The following CNTN3 variants were observed in gnomAD, a reference collection of about 807,000 sequenced individuals.
The protein encoded by CNTN3 is contactin-3.
In CNTN3, 60 loss-of-function variants were observed where a neutral mutation model predicts 119.1. That is an observed-to-expected ratio of 0.50 (90% CI 0.41 to 0.62). The LOEUF is 0.62. CNTN3 is among the 20% of genes least tolerant of loss of function. The pLI is 0.00. For synonymous variants in CNTN3, 450 were observed against 438.7 expected (o/e 1.03, Z -0.32); for missense variants, 1,101 against 1,242.4 (o/e 0.89, Z 1.71).
chr3:74,426,744 A>C (rs905961764), intron 4 of CNTN3, among the ~76,000 whole-genome samples: 8 of 152,194 alleles, frequency 5.3e-5, no homozygotes, highest in African/African-American at 1.9e-4. Flanking sequence ...AACATTCTCA[A>C]AACATTAAGT....
At chr3:74,574,000 T>C (rs1036795864) in intron 1 of CNTN3, among the ~76,000 whole-genome samples, 1 of 152,022 alleles carries the variant, frequency 6.6e-6, no homozygotes, top group African/African-American at 2.4e-5. Flanking sequence ...TACACAAATA[T>C]TGAGAGCAGC....
intron 11 of CNTN3, among the ~76,000 whole-genome samples, chr3:74,339,221 C>T (rs1190680447): frequency 6.6e-6 from 1 of 152,008 alleles, no homozygotes; most frequent in African/African-American, 2.4e-5. Context: ...TCCAGGCAAA[C>T]CTTGCTTAGA....
At chr3:74,283,733 T>C (rs1488661187) in intron 20 of CNTN3, among the ~76,000 whole-genome samples, 1 of 152,188 alleles carries the variant, frequency 6.6e-6, no homozygotes, top group East Asian at 1.9e-4. Context: ...TAAATAATGA[T>C]GTATATTTAG....
chr3:74,578,079 C>T (rs188331240), intron 1 of CNTN3, among the ~76,000 whole-genome samples: 15 of 152,084 alleles, frequency 9.9e-5, no homozygotes, highest in East Asian at 5.8e-4. Context: ...GTCAAGTTGA[C>T]GCTATTTAAT....
chr3:74,276,418 A>T (rs1701880602), intron 20 of CNTN3, among the ~76,000 whole-genome samples: 1 of 152,166 alleles, frequency 6.6e-6, no homozygotes, highest in South Asian at 2.1e-4. Flanking sequence ...AATTTTAAAA[A>T]ATTGAAATTA....
intron 1 of CNTN3, among the ~76,000 whole-genome samples, chr3:74,589,000 A>G (rs1704649517): frequency 6.6e-6 from 1 of 151,922 alleles, no homozygotes; most frequent in African/African-American, 2.4e-5. Flanking sequence ...AACCATAAAA[A>G]CCCTAGAAGA....
intron 11 of CNTN3, among the ~76,000 whole-genome samples, chr3:74,361,614 T>C (rs1265531461): frequency 6.6e-6 from 1 of 152,194 alleles, no homozygotes; most frequent in Non-Finnish European, 1.5e-5. Context: ...TTCATCATTC[T>C]GGTTGAGTCT....
At chr3:74,300,088 T>C in intron 16 of CNTN3, 150 bp from the exon 17 acceptor site, 1 of 410,210 alleles carries the variant, frequency 2.4e-6, no homozygotes, top group East Asian at 3.6e-5. Context: ...TATACTTATA[T>C]ATTATATGCA....
At chr3:74,568,389 C>T (rs562961537) in intron 1 of CNTN3, among the ~76,000 whole-genome samples, 1 of 152,146 alleles carries the variant, frequency 6.6e-6, no homozygotes, top group Non-Finnish European at 1.5e-5. Context: ...TCCTTATTGC[C>T]CTGCTCCATA....
At chr3:74,533,632 G>A (rs1355750308) in intron 1 of CNTN3, among the ~76,000 whole-genome samples, 1 of 151,976 alleles carries the variant, frequency 6.6e-6, no homozygotes, top group Non-Finnish European at 1.5e-5. Flanking sequence ...CCTGAATCTA[G>A]TATTTCCTAG....
chr3:74,570,317 G>C (rs1487639623), intron 1 of CNTN3, among the ~76,000 whole-genome samples: 1 of 152,040 alleles, frequency 6.6e-6, no homozygotes, highest in Non-Finnish European at 1.5e-5. Context: ...TTAGGAAACA[G>C]TACACAAAAG....
intron 2 of CNTN3, among the ~76,000 whole-genome samples, chr3:74,513,814 C>A (rs755986686): frequency 6.6e-6 from 1 of 151,982 alleles, no homozygotes; most frequent in African/African-American, 2.4e-5. Flanking sequence ...ACTTTTGTCA[C>A]CCCTAGTCCT....
chr3:74,473,170 A>T (rs981247865), intron 4 of CNTN3, among the ~76,000 whole-genome samples: 1 of 151,646 alleles, frequency 6.6e-6, no homozygotes, highest in Non-Finnish European at 1.5e-5. Context: ...ATTGCAAAAT[A>T]AACAGAAAAG....
At chr3:74,557,170 T>C (rs1285318756) in intron 1 of CNTN3, among the ~76,000 whole-genome samples, 1 of 152,190 alleles carries the variant, frequency 6.6e-6, no homozygotes, top group Non-Finnish European at 1.5e-5. Context: ...TTTTCTTTTG[T>C]CACTTGGGGT....
Position 74,281,399 on chromosome 3 carries a change from C to T in CNTN3, c.2704+3906G>A, listed in dbSNP as rs371352928. 2.4e-4 allele frequency among the ~76,000 whole-genome samples: 36 copies of T among 152,202 alleles called. No homozygotes were observed. The East Asian group carries it at 3.5e-3, about 15-fold the overall frequency. ...ACGCTGAAGTGCAGTGGCACAATTA[C>T]GGTTCAGTGCAGCTCTGATCGATCT... On this transcript the variant is annotated intron_variant, in intron 20 of 22. Coordinates refer to ENST00000263665, the MANE Select transcript of CNTN3 (RefSeq NM_020872.3).
chr3:74,564,377 T>C (rs17012625), intron 1 of CNTN3, among the ~76,000 whole-genome samples: 10,878 of 152,026 alleles, frequency 0.072, 416 homozygotes, highest in Admixed American at 0.095. Flanking sequence ...AGATCAGGGC[T>C]AGAATATAAG....
chr3:74,505,115 G>A (rs972945604), intron 2 of CNTN3, among the ~76,000 whole-genome samples: 10 of 151,396 alleles, frequency 6.6e-5, no homozygotes, highest in Non-Finnish European at 1.3e-4. Flanking sequence ...TTTTCATATG[G>A]GCACCAGTCA....
intron 13 of CNTN3, among the ~76,000 whole-genome samples, chr3:74,334,118 T>C (rs1271928793): frequency 1.3e-5 from 2 of 152,192 alleles, no homozygotes; most frequent in African/African-American, 4.8e-5. Context: ...CTTTCTAATG[T>C]GGAATCATCA....
At chr3:74,316,731 C>A (rs1358762400) in intron 13 of CNTN3, among the ~76,000 whole-genome samples, 1 of 152,040 alleles carries the variant, frequency 6.6e-6, no homozygotes, top group Non-Finnish European at 1.5e-5. Flanking sequence ...CGAGACCATA[C>A]TGGCTAACAC....
Sources: allele counts gnomAD v4.1 joint callset (sites outside exome capture counted in the v4.1 genomes callset), GRCh38; gene constraint gnomAD v4.1.1; transcripts MANE v1.5; gene names NCBI Gene and HGNC (gene_info 2026-07-23, HGNC 2026-07-21).